Variants in PAPPA observed in about 807,000 individuals in gnomAD.
The protein encoded by PAPPA is pappalysin 1.
Under a neutral mutation model 164.0 loss-of-function variants are expected in PAPPA, and 60 were observed. The ratio of observed to expected loss-of-function variants is 0.37; its 90% confidence interval spans 0.30 to 0.45. The LOEUF (loss-of-function observed/expected upper bound fraction) is 0.45. Ranked by LOEUF, PAPPA falls within the 20% of genes least tolerant of loss-of-function variation. The probability of loss-of-function intolerance (pLI) is 1.00; values close to 1 mark genes in which losing one functional copy is unlikely to be tolerated. For synonymous variants in PAPPA, 875 were observed against 814.1 expected (o/e 1.07, Z -1.27); for missense variants, 1,782 against 2,087.3 (o/e 0.85, Z 2.85).
chr9:116,157,839 CT>C (rs535984594), intron 1 of PAPPA, among the ~76,000 whole-genome samples: 96 of 152,152 alleles, frequency 6.3e-4, no homozygotes, highest in Admixed American at 3.6e-3. Flanking sequence ...CATCCCTTTG[CT>C]TTTGTACCAC....
chr9:116,255,880 G>A (rs1255576931), intron 7 of PAPPA, among the ~76,000 whole-genome samples: 3 of 151,864 alleles, frequency 2.0e-5, no homozygotes, highest in African/African-American at 7.2e-5. Flanking sequence ...TGATTTAACT[G>A]TCATCTTACT....
At chr9:116,382,231 A>G (rs1257561937) in intron 20 of PAPPA, among the ~76,000 whole-genome samples, 164 bp from the exon 21 acceptor site, 1 of 152,128 alleles carries the variant, frequency 6.6e-6, no homozygotes, top group Non-Finnish European at 1.5e-5. Flanking sequence ...TGAATGGTAG[A>G]GGTGATAACT....
intron 1 of PAPPA, among the ~76,000 whole-genome samples, chr9:116,180,505 G>A (rs2118611200): frequency 6.6e-6 from 1 of 152,172 alleles, no homozygotes; most frequent in African/African-American, 2.4e-5. Flanking sequence ...CTACTAAATA[G>A]AGGCTTTCAG....
At chr9:116,319,488 G>C (rs537670396) in intron 10 of PAPPA, among the ~76,000 whole-genome samples, 109 of 152,280 alleles carry the variant, frequency 7.2e-4, no homozygotes, top group Non-Finnish European at 1.3e-3. Context: ...ATATTAATCA[G>C]TACTTCCACT....
intron 19 of PAPPA, among the ~76,000 whole-genome samples, chr9:116,370,925 T>C (rs568691303): frequency 1.3e-5 from 2 of 152,304 alleles, no homozygotes; most frequent in South Asian, 4.1e-4. Flanking sequence ...CTGAGTCAGA[T>C]GACCCAGGTT....
chr9:116,374,139 G>C (rs1337525741), intron 19 of PAPPA, among the ~76,000 whole-genome samples: 5 of 93,746 alleles, frequency 5.3e-5, no homozygotes, highest in Non-Finnish European at 1.2e-4. Flanking sequence ...AGAAGATGGT[G>C]CAGATGATGG....
intron 9 of PAPPA, 87 bp from the exon 10 acceptor site, chr9:116,302,670 G>A: frequency 9.6e-7 from 1 of 1,037,290 alleles, no homozygotes; most frequent in Admixed American, 2.1e-5. Flanking sequence ...TGGTTTTGGT[G>A]GTCTGACTCT....
chr9:116,395,191 A>ATCT (rs1846946956), intron 21 of PAPPA, among the ~76,000 whole-genome samples: 1 of 152,148 alleles, frequency 6.6e-6, no homozygotes, highest in African/African-American at 2.4e-5. Flanking sequence ...GTCACATCTC[A>ATCT]AGTAGATGAG....
At chr9:116,357,597 C>T (rs947815809) in intron 17 of PAPPA, among the ~76,000 whole-genome samples, 5 of 152,214 alleles carry the variant, frequency 3.3e-5, no homozygotes, top group South Asian at 2.1e-4. Context: ...CTTTCCACTG[C>T]TCCCAAACAT....
chr9:116,351,436 G>A (rs979382858), intron 15 of PAPPA, among the ~76,000 whole-genome samples: 3 of 152,172 alleles, frequency 2.0e-5, no homozygotes, highest in South Asian at 4.1e-4. Context: ...CACTTTTATA[G>A]GCACTTTTCA....
At chr9:116,305,233 C>T (rs1845631273) in intron 10 of PAPPA, among the ~76,000 whole-genome samples, 3 of 149,448 alleles carry the variant, frequency 2.0e-5, no homozygotes, top group African/African-American at 7.4e-5. Context: ...TACCTTCCTT[C>T]CAACAACAGA....
At chr9:116,328,922 C>A (rs937740195) in intron 10 of PAPPA, among the ~76,000 whole-genome samples, 12 of 152,144 alleles carry the variant, frequency 7.9e-5, no homozygotes, top group Non-Finnish European at 1.5e-4. Flanking sequence ...ATTGTATTTG[C>A]AACTTTACTA....
chr9:116,367,673 C>A lies in PAPPA; in HGVS notation c.4524C>A (p.Asp1508Glu). 1 of 1,613,992 alleles carries A rather than the reference C, an allele frequency of 6.2e-7. No homozygotes were observed. The highest frequency in any genetic ancestry group is 1.1e-5 in the South Asian group (1 of 91,052). Residue 1508 changes from aspartate (D) to glutamate (E), a missense_variant, in exon 19 of 22, where the codon GAC (aspartate) becomes GAA (glutamate). By Grantham distance (45) the Asp-to-Glu change is conservative. This residue lies in a region of PAPPA where 1,324 missense variants were observed against 1,656.9 expected (regional missense o/e 0.80). Transcript: ENST00000328252. ...IGSECATSCL[D>E]HNSESIILPM... ...CGGAGTGTGCCACCTCGTGCCTGGA[C>A]CACAACAGCGAGTCCATCATCCTGC...
intron 7 of PAPPA, among the ~76,000 whole-genome samples, chr9:116,246,672 A>G (rs925845613): frequency 6.6e-6 from 1 of 152,160 alleles, no homozygotes; most frequent in African/African-American, 2.4e-5. Context: ...AAATGATCAG[A>G]GTCTAGACAT....
chr9:116,260,822 T>C (rs1844992902), intron 7 of PAPPA, among the ~76,000 whole-genome samples: 1 of 152,118 alleles, frequency 6.6e-6, no homozygotes, highest in Non-Finnish European at 1.5e-5. Flanking sequence ...CATAGGGAAA[T>C]ACTATGAAAT....
At chr9:116,280,446 A>G (rs1222888767) in intron 9 of PAPPA, among the ~76,000 whole-genome samples, 2 of 152,178 alleles carry the variant, frequency 1.3e-5, no homozygotes, top group East Asian at 3.9e-4. Flanking sequence ...TAACTGAGCA[A>G]GGATTGCAAG....
At chr9:116,172,782 C>CT (rs1441606705) in intron 1 of PAPPA, among the ~76,000 whole-genome samples, 1 of 152,082 alleles carries the variant, frequency 6.6e-6, no homozygotes, top group Non-Finnish European at 1.5e-5. Flanking sequence ...GTTTCTATGC[C>CT]TTTTTTGTTT....
chr9:116,289,750 C>T (rs1264689454), intron 9 of PAPPA, among the ~76,000 whole-genome samples: 1 of 152,156 alleles, frequency 6.6e-6, no homozygotes, highest in Non-Finnish European at 1.5e-5. Flanking sequence ...CTGACTGCAA[C>T]AATGCACACA....
chr9:116,339,088 A>G (rs1846100771), intron 13 of PAPPA, among the ~76,000 whole-genome samples: 1 of 152,188 alleles, frequency 6.6e-6, no homozygotes, highest in Non-Finnish European at 1.5e-5. Context: ...GAATCCAGTT[A>G]TCTTTCCTCT....
Sources: allele counts gnomAD v4.1 joint callset (sites outside exome capture counted in the v4.1 genomes callset), GRCh38; gene constraint gnomAD v4.1.1; regional missense constraint gnomAD v4.1.1; transcripts MANE v1.5; gene names NCBI Gene and HGNC (gene_info 2026-07-23, HGNC 2026-07-21).